The following SPOCK3 variants were observed in gnomAD, a reference collection of about 807,000 sequenced individuals.
SPOCK3 encodes SPARC (osteonectin), cwcv and kazal like domains proteoglycan 3.
In SPOCK3, 30 loss-of-function variants were observed where a neutral mutation model predicts 56.6. The ratio of observed to expected loss-of-function variants is 0.53; its 90% confidence interval spans 0.40 to 0.72. The LOEUF (loss-of-function observed/expected upper bound fraction) is 0.72, where lower values mean the gene tolerates loss of function less well. SPOCK3 is among the 30% of genes least tolerant of loss of function. The probability of loss-of-function intolerance (pLI) is 0.00; values close to 1 mark genes in which losing one functional copy is unlikely to be tolerated. For missense variants in SPOCK3, 527 were observed against 530.0 expected (o/e 0.99, Z 0.06); for synonymous variants, 196 against 183.3 (o/e 1.07, Z -0.56).
chr4:166,783,124 C>T (rs1740354407), intron 7 of SPOCK3, among the ~76,000 whole-genome samples: 1 of 151,988 alleles, frequency 6.6e-6, no homozygotes, highest in East Asian at 1.9e-4. Context: ...TTTGGGAGGC[C>T]GAGGTGAGTG....
chr4:167,033,852 C>A (rs1752495212), intron 3 of SPOCK3, among the ~76,000 whole-genome samples: 2 of 151,816 alleles, frequency 1.3e-5, no homozygotes, highest in African/African-American at 4.8e-5. Context: ...ATTAAGGCAG[C>A]CCTCTATAAA....
intron 2 of SPOCK3, among the ~76,000 whole-genome samples, chr4:167,149,175 A>G (rs1334658083): frequency 6.6e-6 from 1 of 152,152 alleles, no homozygotes; most frequent in Non-Finnish European, 1.5e-5. Context: ...ATAGTATATC[A>G]TTCAGTTCTC....
intron 2 of SPOCK3, among the ~76,000 whole-genome samples, chr4:167,126,845 C>T (rs1486444391): frequency 2.6e-5 from 4 of 152,132 alleles, no homozygotes; most frequent in Non-Finnish European, 4.4e-5. Flanking sequence ...TCCATTTCAG[C>T]CTCTGGTTCC....
rs367606472 is a variant in SPOCK3, at chr4:167,177,921, C to T, written c.189+56064G>A. On this transcript the variant is annotated intron_variant, in intron 2 of 10. Transcript: ENST00000357545. ...AGACCTAGCTGTAAGATTTCAAGTTCTTTTTCCAAATATCAGGGCTGCTTT... is the reference window on the plus strand; with the variant it reads ...AGACCTAGCTGTAAGATTTCAAGTTTTTTTTCCAAATATCAGGGCTGCTTT... Among the ~76,000 whole-genome samples the T allele has an allele frequency of 8.5e-5, 13 of 152,244 alleles. No individual in the cohort carries two copies. The South Asian group carries it at 2.7e-3, about 32-fold the overall frequency.
chr4:166,788,878 G>A (rs527257423), intron 7 of SPOCK3, among the ~76,000 whole-genome samples: 1 of 151,832 alleles, frequency 6.6e-6, no homozygotes, highest in Admixed American at 6.6e-5. Context: ...CATCATCAAT[G>A]CTGGCTAATT....
chr4:166,825,167 C>A (rs915004194), intron 6 of SPOCK3, among the ~76,000 whole-genome samples: 1 of 151,956 alleles, frequency 6.6e-6, no homozygotes. Context: ...AGAAAATAAT[C>A]CACTTGATGA....
rs1220739398 is a variant in SPOCK3 at position 166,812,001 on chromosome 4, T to C, written c.590-19712A>G. 2.6e-5 allele frequency among the ~76,000 whole-genome samples: 4 copies of C among 151,998 alleles called. No individual in the cohort carries two copies. The East Asian group carries it at 7.8e-4, about 29-fold the overall frequency. On this transcript the variant is annotated intron_variant, in intron 6 of 10. Transcript: ENST00000357545. ...AACTCTCAGAATTAAAGATCTGTGT[T>C]TTGCTCATTTTGTTGCATACTTTAA...
chr4:166,753,678 A>G (rs1272349806), intron 8 of SPOCK3, among the ~76,000 whole-genome samples: 3 of 152,084 alleles, frequency 2.0e-5, no homozygotes, highest in Non-Finnish European at 4.4e-5. Context: ...TTAGTTCTCA[A>G]GAATTTAAAA....
intron 3 of SPOCK3, among the ~76,000 whole-genome samples, chr4:167,002,336 A>G (rs1447647643): frequency 6.6e-6 from 1 of 152,206 alleles, no homozygotes; most frequent in African/African-American, 2.4e-5. Context: ...TATATAAAGT[A>G]TATTTCTGCA....
chr4:167,108,334 A>C (rs1760357240), intron 2 of SPOCK3, among the ~76,000 whole-genome samples: 2 of 152,082 alleles, frequency 1.3e-5, no homozygotes, highest in African/African-American at 4.8e-5. Context: ...AAATCAGTAT[A>C]TAGAAGAGAT....
chr4:167,083,482 C>A (rs1302105871), intron 2 of SPOCK3, among the ~76,000 whole-genome samples: 1 of 152,118 alleles, frequency 6.6e-6, no homozygotes, highest in Non-Finnish European at 1.5e-5. Context: ...AACCTGGTAT[C>A]TCCATGCAGA....
At chr4:167,222,859 A>G (rs1369943242) in intron 2 of SPOCK3, among the ~76,000 whole-genome samples, 3 of 128,222 alleles carry the variant, frequency 2.3e-5, no homozygotes, top group African/African-American at 9.2e-5. Flanking sequence ...ATATATAAAT[A>G]TATAAACATA....
intron 2 of SPOCK3, among the ~76,000 whole-genome samples, chr4:167,105,140 C>T (rs1466647562): frequency 6.6e-6 from 1 of 151,650 alleles, no homozygotes; most frequent in Non-Finnish European, 1.5e-5. Flanking sequence ...AAAAAAATCA[C>T]AGAATATTAT....
chr4:167,224,093 G>T lies in SPOCK3; in HGVS notation c.189+9892C>A, dbSNP rs1294572347. The stretch of plus-strand genomic sequence containing the variant: ...AAAACAGCCATTAATTAAATTAAAA[G>T]ATTTTAAAATTATTTCCATCAAATA... On this transcript the variant is annotated intron_variant, in intron 2 of 10. Transcript: ENST00000357545. 2.0e-5 allele frequency among the ~76,000 whole-genome samples: 3 copies of T among 151,998 alleles called. No individual in the cohort carries two copies. In the South Asian group the frequency reaches 6.2e-4, roughly 32 times the overall value.
intron 6 of SPOCK3, among the ~76,000 whole-genome samples, chr4:166,853,549 T>G (rs1390882145): frequency 6.6e-6 from 1 of 152,138 alleles, no homozygotes; most frequent in Non-Finnish European, 1.5e-5. Flanking sequence ...ACTCAGAAGT[T>G]TTCAAAGCAT....
intron 8 of SPOCK3, among the ~76,000 whole-genome samples, chr4:166,745,692 G>T (rs1350612924): frequency 6.6e-6 from 1 of 152,168 alleles, no homozygotes; most frequent in Non-Finnish European, 1.5e-5. Context: ...ACACAGACTG[G>T]CAAGTTGGAT....
chr4:167,109,096 T>TATATTTATATAAATATATATATAAA (rs1561224327), intron 2 of SPOCK3, among the ~76,000 whole-genome samples: 1 of 290 alleles, frequency 3.4e-3, no homozygotes, highest in South Asian at 0.25. Context: ...TATATAAATA[T>TATATTTATATAAATATATATATAAA]TATATATTTA....
chr4:166,936,828 A>G (rs1409800416), intron 4 of SPOCK3, among the ~76,000 whole-genome samples: 3 of 152,110 alleles, frequency 2.0e-5, no homozygotes, highest in Non-Finnish European at 4.4e-5. Context: ...AAATTTTCTA[A>G]CATACCAAAT....
At chr4:167,098,029 G>C (rs1020458132) in intron 2 of SPOCK3, among the ~76,000 whole-genome samples, 5 of 151,956 alleles carry the variant, frequency 3.3e-5, no homozygotes, top group African/African-American at 9.7e-5. Context: ...TGTGTCCCCT[G>C]TGGTATAGCT....
Sources: gnomAD v4.1 joint callset for allele counts (sites outside exome capture counted in the v4.1 genomes callset) on GRCh38, gnomAD v4.1.1 for gene constraint, MANE v1.5 for transcripts, NCBI Gene and HGNC (gene_info 2026-07-23, HGNC 2026-07-21) for gene names.